Variants in LPP observed in about 807,000 individuals in gnomAD.
The protein encoded by LPP is LIM domain containing preferred translocation partner in lipoma, also known as lipoma-preferred partner.
A neutral mutation model predicts 60.4 loss-of-function variants in LPP; 38 were observed. That is an observed-to-expected ratio of 0.63 (90% confidence interval 0.49 to 0.83). The LOEUF (loss-of-function observed/expected upper bound fraction) is 0.83. Ranked by LOEUF, LPP falls within the 40% of genes least tolerant of loss-of-function variation. The pLI is 0.00. For missense variants in LPP, 902 were observed against 783.6 expected (o/e 1.15, Z -1.80); for synonymous variants, 328 against 290.8 (o/e 1.13, Z -1.30).
chr3:188,867,111 T>A (rs1766838028), intron 10 of LPP, among the ~76,000 whole-genome samples: 1 of 152,066 alleles, frequency 6.6e-6, no homozygotes, highest in African/African-American at 2.4e-5. Context: ...CTGTCCCCAC[T>A]ACTTCATTTA....
At chr3:188,690,097 A>T (rs1861772045) in intron 7 of LPP, among the ~76,000 whole-genome samples, 1 of 152,206 alleles carries the variant, frequency 6.6e-6, no homozygotes. Context: ...TAATGCTCCC[A>T]AAGGTCATCA....
intron 9 of LPP, among the ~76,000 whole-genome samples, chr3:188,819,532 A>G (rs1380229819): frequency 2.6e-5 from 4 of 152,222 alleles, no homozygotes; most frequent in African/African-American, 9.6e-5. Context: ...GTTGAAGGGT[A>G]TTGTAATAGA....
intron 5 of LPP, among the ~76,000 whole-genome samples, chr3:188,492,059 T>C (rs946305176): frequency 6.6e-6 from 1 of 150,814 alleles, no homozygotes; most frequent in Non-Finnish European, 1.5e-5. Flanking sequence ...ACATTTATAC[T>C]CTCTGCAGTG....
intron 9 of LPP, among the ~76,000 whole-genome samples, chr3:188,831,002 G>C (rs1043843761): frequency 1.3e-5 from 2 of 152,140 alleles, no homozygotes; most frequent in South Asian, 4.1e-4. Flanking sequence ...GTGCTCAATA[G>C]ACTTCTGGAT....
chr3:188,316,720 C>T (rs1362832244), intron 2 of LPP, among the ~76,000 whole-genome samples: 1 of 152,174 alleles, frequency 6.6e-6, no homozygotes, highest in African/African-American at 2.4e-5. Flanking sequence ...AAACCAGTAG[C>T]TTTACTTCGA....
intron 10 of LPP, among the ~76,000 whole-genome samples, chr3:188,866,892 C>G (rs959411207): frequency 6.6e-6 from 1 of 152,158 alleles, no homozygotes; most frequent in African/African-American, 2.4e-5. Flanking sequence ...GTTTCTTTTA[C>G]TAATGCAAGC....
At position 188,760,435 on chromosome 3, in the gene LPP, T is replaced by TGTGTGTGTGTGC. The variant is rs777127864; in HGVS notation, c.1410+154_1410+155insTGTGTGTGTGCG. 5.5e-3 allele frequency among the ~76,000 whole-genome samples: 832 copies of TGTGTGTGTGTGC among 151,176 alleles called. 5 individuals are homozygous for TGTGTGTGTGTGC. Among genetic ancestry groups the TGTGTGTGTGTGC allele is most frequent in the Non-Finnish European group, 7.7e-3 (521 of 67,804 alleles). ...GTGTGTGTGTGTGTGTGTGTGTGTG[T>TGTGTGTGTGTGC]GCGTGCGCGCATGTAAATTAGCATA... is the stretch of plus-strand genomic sequence containing the variant. On this transcript the variant is annotated intron_variant, in intron 9 of 11. Transcript: ENST00000617246.
chr3:188,638,131 A>C (rs113667747), intron 7 of LPP, among the ~76,000 whole-genome samples: 19 of 138,500 alleles, frequency 1.4e-4, no homozygotes, highest in Admixed American at 9.7e-4. Context: ...TACTGGCAAA[A>C]CGAATCCAGC....
chr3:188,624,806 CCT>C (rs1846500864), intron 7 of LPP, among the ~76,000 whole-genome samples: 4 of 146,798 alleles, frequency 2.7e-5, no homozygotes, highest in Non-Finnish European at 4.5e-5. Context: ...TTCCTTCCTT[CCT>C]TCTCTCTCTT....
At chr3:188,562,264 T>C (rs773194990) in intron 6 of LPP, 4 of 152,048 alleles carry the variant, frequency 2.6e-5, no homozygotes, top group Non-Finnish European at 5.9e-5. Flanking sequence ...CTTTAATTCA[T>C]ACAAGGATCA....
chr3:188,344,317 G>A (rs2150705206), intron 3 of LPP, among the ~76,000 whole-genome samples: 1 of 152,290 alleles, frequency 6.6e-6, no homozygotes, highest in Admixed American at 6.5e-5. Flanking sequence ...TGAAGTGGAG[G>A]TAGAGGCAGT....
At chr3:188,503,799 A>C (rs1812649828) in intron 5 of LPP, among the ~76,000 whole-genome samples, 1 of 152,062 alleles carries the variant, frequency 6.6e-6, no homozygotes, top group South Asian at 2.1e-4. Flanking sequence ...TGCTAAGAAA[A>C]CCGGATAATT....
At position 188,609,110 on chromosome 3, in the gene LPP, T is replaced by C. The variant is rs766183846; in HGVS notation, c.430-51T>C. The C allele has an allele frequency of 7.6e-7, 1 of 1,315,940 alleles. No individual in the cohort carries two copies. Among genetic ancestry groups the C allele is most frequent in the East Asian group, 2.3e-5 (1 of 43,012 alleles). 81.5% of individuals were successfully genotyped at this position (1,315,940 alleles called of 1,614,324 possible). A position where few individuals can be genotyped will look rare whatever the true frequency, so the allele number is the denominator to read the frequency against. On this transcript the variant is annotated intron_variant, in intron 6 of 11. Transcript: ENST00000617246. The surrounding 1 kb of genome is among the most constrained non-coding windows in gnomAD (Gnocchi z 6.9). ...ATTTATTCATTTTTATTGAGTTTCGTTGGCAGTAATTTTTGCTTTCTTTCT... is the reference window on the plus strand; with the variant it reads ...ATTTATTCATTTTTATTGAGTTTCGCTGGCAGTAATTTTTGCTTTCTTTCT...
At chr3:188,680,088 G>C (rs978452479) in intron 7 of LPP, among the ~76,000 whole-genome samples, 1 of 152,114 alleles carries the variant, frequency 6.6e-6, no homozygotes, top group Admixed American at 6.5e-5. Context: ...AAAAAATGTT[G>C]TTTTATTTTG....
intron 6 of LPP, among the ~76,000 whole-genome samples, chr3:188,604,281 T>G (rs1176329070): frequency 6.6e-6 from 1 of 152,190 alleles, no homozygotes; most frequent in Non-Finnish European, 1.5e-5. Flanking sequence ...TGTGGTATTG[T>G]GTTTACTTGG....
intron 8 of LPP, among the ~76,000 whole-genome samples, chr3:188,720,353 T>C (rs1412976729): frequency 6.6e-6 from 1 of 152,184 alleles, no homozygotes; most frequent in Non-Finnish European, 1.5e-5. Context: ...TCAAATCCTC[T>C]AGGGCCAAGG....
intron 2 of LPP, chr3:188,239,875 G>A (rs188825898): frequency 5.0e-4 from 105 of 210,764 alleles, no homozygotes; most frequent in African/African-American, 2.3e-3. Flanking sequence ...ATGGGTATTT[G>A]CTTTCATTTC....
intron 5 of LPP, among the ~76,000 whole-genome samples, chr3:188,511,718 C>A (rs1815724966): frequency 6.6e-6 from 1 of 152,114 alleles, no homozygotes; most frequent in African/African-American, 2.4e-5. Context: ...GGAATAATAA[C>A]ATCTACTAAT....
chr3:188,538,830 T>C (rs1824363235), intron 6 of LPP, among the ~76,000 whole-genome samples: 1 of 152,186 alleles, frequency 6.6e-6, no homozygotes, highest in Non-Finnish European at 1.5e-5. Flanking sequence ...ATCCATACAA[T>C]TGAATATTAC....
Sources: allele counts gnomAD v4.1 joint callset (sites outside exome capture counted in the v4.1 genomes callset), GRCh38; gene constraint gnomAD v4.1.1; non-coding constraint Gnocchi (gnomAD v3.1); transcripts MANE v1.5; gene names NCBI Gene and HGNC (gene_info 2026-07-23, HGNC 2026-07-21).